EPB41L5: variants seen among roughly 807,000 people sequenced by gnomAD.
The protein encoded by EPB41L5 is band 4.1-like protein 5.
EPB41L5 carries 55 observed loss-of-function variants against 106.6 expected under a neutral mutation model. That is an observed-to-expected ratio of 0.52 (90% CI 0.42 to 0.65). EPB41L5 has a LOEUF of 0.65. Ranked by LOEUF, EPB41L5 falls within the 30% of genes least tolerant of loss-of-function variation. The pLI is 0.00. For synonymous variants in EPB41L5, 297 were observed against 306.7 expected (o/e 0.97, Z 0.33); for missense variants, 871 against 882.1 (o/e 0.99, Z 0.16).
chr2:120,077,651 C>T (rs1682342369), intron 9 of EPB41L5, among the ~76,000 whole-genome samples: 1 of 152,064 alleles, frequency 6.6e-6, no homozygotes, highest in Admixed American at 6.6e-5. Context: ...ATACGACTTA[C>T]ACTGAGTAGG....
At chr2:120,057,909 TAGGTTGGTACAATAAGACTTTGCAAA>T in intron 3 of EPB41L5, among the ~76,000 whole-genome samples, 1 of 152,248 alleles carries the variant, frequency 6.6e-6, no homozygotes, top group South Asian at 2.1e-4. Context: ...TGAGTGGTTT[TAGGTTGGTACAATAAGACTTTGCAAA>T]ATAATTGGAG....
intron 14 of EPB41L5, among the ~76,000 whole-genome samples, chr2:120,094,476 T>C (rs1238637354): frequency 1.3e-5 from 2 of 149,142 alleles, no homozygotes; most frequent in Admixed American, 6.6e-5. Context: ...GTTTTTTTTT[T>C]TCTTGCAAAA....
chr2:120,104,842 T>C, intron 16 of EPB41L5: 1 of 966,912 alleles, frequency 1.0e-6, no homozygotes, highest in Non-Finnish European at 1.2e-6. Context: ...GAGATCACAT[T>C]AATAATGTGG....
At position 120,131,804 on chromosome 2, in the gene EPB41L5, T is replaced by C; in HGVS notation, c.1599+89T>C. The stretch of plus-strand genomic sequence containing the variant: ...TCCAAAGACAGTACTTTCTTTTTTC[T>C]TTAGCTGGGAAATCTGTCTGTGCTG... On this transcript the variant is annotated intron_variant, in intron 18 of 24. Coordinates refer to ENST00000263713, the MANE Select transcript of EPB41L5 (RefSeq NM_020909.4). 8.3e-6 allele frequency: 8 copies of C among 958,984 alleles called. 1 individual carries two copies. In the South Asian group the frequency reaches 1.0e-4, roughly 12 times the overall value. 59.4% of individuals were successfully genotyped at this position (958,984 alleles called of 1,614,324 possible).
chr2:120,164,125 G>T (rs964536759), intron 21 of EPB41L5, among the ~76,000 whole-genome samples: 20 of 151,772 alleles, frequency 1.3e-4, no homozygotes, highest in Admixed American at 4.6e-4. Flanking sequence ...TGGGACTATA[G>T]GTGCCCGCAA....
intron 3 of EPB41L5, among the ~76,000 whole-genome samples, chr2:120,063,951 A>G (rs1159121236): frequency 6.6e-6 from 1 of 152,154 alleles, no homozygotes; most frequent in Non-Finnish European, 1.5e-5. Context: ...TCAAAAAAAA[A>G]AAGAAAAAAG....
intron 14 of EPB41L5, among the ~76,000 whole-genome samples, chr2:120,094,299 CT>C (rs891370070): frequency 1.3e-5 from 2 of 152,074 alleles, no homozygotes; most frequent in African/African-American, 4.8e-5. Flanking sequence ...CCCGGATTCT[CT>C]TTTTCTTCTT....
intron 16 of EPB41L5, among the ~76,000 whole-genome samples, chr2:120,103,388 C>A (rs550230227): frequency 6.6e-6 from 1 of 152,306 alleles, no homozygotes; most frequent in Non-Finnish European, 1.5e-5. Context: ...TACTAAACTA[C>A]TTCTTGGAGA....
intron 21 of EPB41L5, among the ~76,000 whole-genome samples, chr2:120,162,876 GT>G (rs1558915005): frequency 1.3e-5 from 2 of 152,004 alleles, no homozygotes; most frequent in African/African-American, 4.8e-5. Context: ...AGTTTTTCAT[GT>G]TTTTGTGATT....
intron 10 of EPB41L5, among the ~76,000 whole-genome samples, chr2:120,081,786 G>A (rs1682687674): frequency 1.3e-5 from 2 of 152,090 alleles, no homozygotes; most frequent in Non-Finnish European, 2.9e-5. Flanking sequence ...TTATTTTGTT[G>A]AGCAGTGGTT....
At chr2:120,159,996 T>C (rs1687074899) in intron 20 of EPB41L5, among the ~76,000 whole-genome samples, 2 of 152,158 alleles carry the variant, frequency 1.3e-5, no homozygotes, top group Admixed American at 1.3e-4. Flanking sequence ...AAATACTGCG[T>C]AAAGTGGGAG....
intron 2 of EPB41L5, among the ~76,000 whole-genome samples, chr2:120,038,964 A>G (rs1679216601): frequency 6.6e-6 from 1 of 152,208 alleles, no homozygotes; most frequent in Non-Finnish European, 1.5e-5. Context: ...AATGGTATTT[A>G]TATGCAATGG....
At chr2:120,103,677 A>G (rs1292657119) in intron 16 of EPB41L5, among the ~76,000 whole-genome samples, 1 of 152,068 alleles carries the variant, frequency 6.6e-6, no homozygotes, top group Non-Finnish European at 1.5e-5. Flanking sequence ...TTTTTCAAAT[A>G]TTTGAAGTTA....
intron 7 of EPB41L5, 150 bp downstream of exon 7, chr2:120,075,903 G>C (rs1682201039): frequency 6.1e-6 from 4 of 654,488 alleles, no homozygotes; most frequent in Non-Finnish European, 1.1e-5. Flanking sequence ...ACTTTTACTT[G>C]TTTTAGAACA....
intron 16 of EPB41L5, among the ~76,000 whole-genome samples, chr2:120,114,578 CT>C (rs1463724982): frequency 6.6e-6 from 1 of 152,092 alleles, no homozygotes; most frequent in Non-Finnish European, 1.5e-5. Flanking sequence ...TGAAGAGCAC[CT>C]GCATTTCATT....
intron 20 of EPB41L5, 135 bp from the exon 21 acceptor site, chr2:120,160,746 G>T: frequency 1.6e-6 from 1 of 634,046 alleles, no homozygotes; most frequent in Non-Finnish European, 2.8e-6. Context: ...ACATTTCCCT[G>T]ATGATTTTGA....
At chr2:120,050,698 C>T (rs773736457) in intron 3 of EPB41L5, among the ~76,000 whole-genome samples, 6 of 152,166 alleles carry the variant, frequency 3.9e-5, no homozygotes, top group Admixed American at 2.0e-4. Flanking sequence ...CCGTTTGTGG[C>T]GAGGAGCTGC....
chr2:120,046,211 A>G (rs1001556836), intron 3 of EPB41L5, among the ~76,000 whole-genome samples: 1 of 152,178 alleles, frequency 6.6e-6, no homozygotes, highest in Non-Finnish European at 1.5e-5. Flanking sequence ...TTCTAGTTCT[A>G]GATCCTTGAG....
rs544943224 is a variant in EPB41L5, at chr2:120,060,795, T to C, written c.286-12383T>C. Among the ~76,000 whole-genome samples the C allele has an allele frequency of 3.9e-5, 6 of 152,336 alleles. No individual in the cohort carries two copies. In the East Asian group the frequency reaches 9.6e-4, roughly 24 times the overall value. ...TGATTCTAATATTGTACTGTAGTTA[T>C]GTTAAAATGTAAGCATTGGCAGAAG... On this transcript the variant is annotated intron_variant, in intron 3 of 24. Coordinates refer to ENST00000263713, the MANE Select transcript of EPB41L5 (RefSeq NM_020909.4).
Sources: allele counts gnomAD v4.1 joint callset (sites outside exome capture counted in the v4.1 genomes callset), GRCh38; gene constraint gnomAD v4.1.1; transcripts MANE v1.5; gene names NCBI Gene and HGNC (gene_info 2026-07-23, HGNC 2026-07-21).